DACH2: variants seen among roughly 807,000 people sequenced by gnomAD.
DACH2 encodes dachshund family transcription factor 2, also known as dachshund homolog 2.
DACH2 carries 17 observed loss-of-function variants against 35.8 expected under a neutral mutation model. That is an observed-to-expected ratio of 0.48 (90% CI 0.33 to 0.71). The LOEUF (loss-of-function observed/expected upper bound fraction) is 0.71, where lower values mean the gene tolerates loss of function less well. DACH2 is among the 30% of genes least tolerant of loss of function. The pLI is 0.02. For synonymous variants in DACH2, 195 were observed against 177.3 expected (o/e 1.10, Z -0.79); for missense variants, 469 against 472.7 (o/e 0.99, Z 0.07).
intron 7 of DACH2, among the ~76,000 whole-genome samples, chrX:86,787,013 G>T (rs1205795694): frequency 9.0e-6 from 1 of 111,458 alleles, no homozygotes; most frequent in Non-Finnish European, 1.9e-5. Flanking sequence ...ATCCATGTAA[G>T]ATGTGGCTTG....
chrX:86,516,722 T>C (rs2038473709), intron 3 of DACH2, among the ~76,000 whole-genome samples: 1 of 111,031 alleles, frequency 9.0e-6, no homozygotes, highest in African/African-American at 3.3e-5. Context: ...TCCTGCCCCT[T>C]CTCAAGTAGA....
intron 10 of DACH2, among the ~76,000 whole-genome samples, chrX:86,815,635 A>C (rs776008416): frequency 6.6e-5 from 7 of 106,050 alleles, no homozygotes; most frequent in Non-Finnish European, 7.7e-5. Flanking sequence ...ATACACATAT[A>C]TATAAATATG....
Position 86,397,974 on chromosome X carries a change from C to T in DACH2, c.527+21112C>T, listed in dbSNP as rs767022145. Among the ~76,000 whole-genome samples, 152 of 111,673 alleles carry T rather than the reference C, an allele frequency of 1.4e-3. 1 individual carries two copies. Among genetic ancestry groups the T allele is most frequent in the African/African-American group, 4.6e-3 (142 of 30,736 alleles). ...AGTTTCAGAAGGAATGGTACCAGCTCCTCCTTTTACCTCTGGTAGAATTCG... is the reference window on the plus strand; with the variant it reads ...AGTTTCAGAAGGAATGGTACCAGCTTCTCCTTTTACCTCTGGTAGAATTCG... On this transcript the variant is annotated intron_variant, in intron 2 of 11. Transcript: ENST00000373125.
At chrX:86,462,157 A>G (rs2037585216) in intron 2 of DACH2, among the ~76,000 whole-genome samples, 1 of 111,773 alleles carries the variant, frequency 8.9e-6, no homozygotes. Flanking sequence ...CATGTGCTAT[A>G]AGATACAGAA....
chrX:86,572,586 G>A (rs760086392), intron 3 of DACH2, among the ~76,000 whole-genome samples: 12 of 111,391 alleles, frequency 1.1e-4, no homozygotes, highest in Non-Finnish European at 2.3e-4. Flanking sequence ...TAGAAATAGC[G>A]AGAATACACA....
intron 3 of DACH2, among the ~76,000 whole-genome samples, chrX:86,638,085 T>C (rs758290844): frequency 9.0e-5 from 10 of 110,962 alleles, no homozygotes; most frequent in South Asian, 7.8e-4. Context: ...TGGAACAGAA[T>C]AGAGATCCCA....
intron 1 of DACH2, among the ~76,000 whole-genome samples, chrX:86,242,538 C>A (rs181202834): frequency 8.9e-6 from 1 of 111,845 alleles, no homozygotes; most frequent in Non-Finnish European, 1.9e-5. Context: ...TCAGATGAGA[C>A]TTTGGACTTA....
intron 1 of DACH2, among the ~76,000 whole-genome samples, chrX:86,375,679 T>G (rs2035953883): frequency 9.4e-6 from 1 of 106,905 alleles, no homozygotes; most frequent in African/African-American, 3.4e-5. Context: ...AACGTAAGAG[T>G]AGGTGAAAAA....
chrX:86,675,192 G>A (rs1244677829), intron 4 of DACH2, among the ~76,000 whole-genome samples: 2 of 110,798 alleles, frequency 1.8e-5, no homozygotes, highest in Non-Finnish European at 3.8e-5. Flanking sequence ...ACTTATAGAA[G>A]CATGGAATGC....
intron 7 of DACH2, among the ~76,000 whole-genome samples, chrX:86,803,838 G>C (rs1321849273): frequency 9.0e-6 from 1 of 111,066 alleles, no homozygotes; most frequent in African/African-American, 3.3e-5. Context: ...TTGTCTCAAT[G>C]AGGTAGAAAT....
intron 4 of DACH2, among the ~76,000 whole-genome samples, chrX:86,667,533 GAAAGAAAGAAAGAAGAAAGAAAGAAAGA>G (rs1410698967): frequency 2.9e-3 from 177 of 60,140 alleles, no homozygotes; most frequent in African/African-American, 0.014. Context: ...AAGAAAGAAA[GAAAGAAAGAAAGAAGAAAGAAAGAAAGA>G]AAGAAAGAAA....
chrX:86,770,024 A>G (rs1213862821), intron 7 of DACH2, among the ~76,000 whole-genome samples: 1 of 110,573 alleles, frequency 9.0e-6, no homozygotes, highest in Non-Finnish European at 1.9e-5. Context: ...AAAATAAAAA[A>G]GATAAGAAAA....
intron 1 of DACH2, among the ~76,000 whole-genome samples, chrX:86,289,443 TAA>T (rs774099293): frequency 2.5e-4 from 27 of 108,271 alleles, no homozygotes; most frequent in Non-Finnish European, 5.1e-4. Context: ...TATTATACTT[TAA>T]GTTTTAGGGA....
intron 3 of DACH2, among the ~76,000 whole-genome samples, chrX:86,518,282 T>C (rs757740083): frequency 1.8e-5 from 2 of 112,343 alleles, no homozygotes; most frequent in East Asian, 5.6e-4. Flanking sequence ...AATACAATGC[T>C]GTTTTGGTCA....
intron 6 of DACH2, among the ~76,000 whole-genome samples, chrX:86,738,522 A>C (rs1239032632): frequency 2.7e-5 from 3 of 111,843 alleles, no homozygotes; most frequent in Non-Finnish European, 5.6e-5. Context: ...TGAATTAAAT[A>C]TTTTATAGAA....
intron 7 of DACH2, among the ~76,000 whole-genome samples, chrX:86,797,099 G>A (rs1436528058): frequency 9.0e-6 from 1 of 110,627 alleles, no homozygotes; most frequent in African/African-American, 3.3e-5. Context: ...CCATTTACTA[G>A]GAGTAACAGA....
intron 3 of DACH2, among the ~76,000 whole-genome samples, chrX:86,566,987 G>A (rs1041375747): frequency 1.8e-5 from 2 of 111,731 alleles, no homozygotes; most frequent in African/African-American, 3.2e-5. Context: ...TATGAACTCC[G>A]TTGACCAAAC....
chrX:86,242,481 A>G (rs2033187468), intron 1 of DACH2, among the ~76,000 whole-genome samples: 3 of 111,969 alleles, frequency 2.7e-5, no homozygotes, highest in Admixed American at 9.5e-5. Flanking sequence ...AGGTAACTGA[A>G]TTGTTTTGGT....
At chrX:86,727,781 C>T (rs1006652781) in intron 6 of DACH2, among the ~76,000 whole-genome samples, 2 of 111,926 alleles carry the variant, frequency 1.8e-5, no homozygotes, top group African/African-American at 6.5e-5. Flanking sequence ...AAAGCAGATG[C>T]CAGTGATATG....
Sources: allele counts gnomAD v4.1 joint callset (sites outside exome capture counted in the v4.1 genomes callset), GRCh38; gene constraint gnomAD v4.1.1; transcripts MANE v1.5; gene names NCBI Gene and HGNC (gene_info 2026-07-23, HGNC 2026-07-21).